The following ROBO1 variants were observed in gnomAD, a reference collection of about 807,000 sequenced individuals.
The protein encoded by ROBO1 is roundabout homolog 1.
Under a neutral mutation model 195.9 loss-of-function variants are expected in ROBO1, and 149 were observed. The ratio of observed to expected loss-of-function variants is 0.76; its 90% CI spans 0.67 to 0.87. The LOEUF is 0.87. Ranked by LOEUF, ROBO1 falls within the 40% of genes least tolerant of loss-of-function variation. ROBO1 has a pLI of 0.00. For missense variants in ROBO1, 1,933 were observed against 2,068.3 expected (o/e 0.93, Z 1.27); for synonymous variants, 816 against 733.2 (o/e 1.11, Z -1.82).
intron 10 of ROBO1, among the ~76,000 whole-genome samples, chr3:78,673,999 C>A (rs979200630): frequency 2.6e-5 from 4 of 152,082 alleles, no homozygotes; most frequent in African/African-American, 9.6e-5. Flanking sequence ...GTGACTTGTC[C>A]AAATCAAGTA....
chr3:79,073,206 A>C (rs910217240), intron 3 of ROBO1, among the ~76,000 whole-genome samples: 1 of 152,050 alleles, frequency 6.6e-6, no homozygotes, highest in African/African-American at 2.4e-5. Context: ...ACATTTAAAC[A>C]TATTAGTGCT....
At chr3:79,620,030 A>C (rs565125697) in intron 1 of ROBO1, among the ~76,000 whole-genome samples, 44 of 152,274 alleles carry the variant, frequency 2.9e-4, no homozygotes, top group African/African-American at 9.1e-4. Flanking sequence ...GAACTTCAAA[A>C]CACCTAAGAT....
chr3:78,699,333 T>G (rs1456640257), intron 8 of ROBO1, among the ~76,000 whole-genome samples: 14 of 146,848 alleles, frequency 9.5e-5, no homozygotes, highest in African/African-American at 3.5e-4. Flanking sequence ...TGGATCACTT[T>G]GAGGTTAGGA....
intron 1 of ROBO1, among the ~76,000 whole-genome samples, chr3:79,657,374 A>C (rs921634650): frequency 6.6e-6 from 1 of 152,120 alleles, no homozygotes; most frequent in African/African-American, 2.4e-5. Flanking sequence ...CAGCATGTTT[A>C]TCAGAAGGCC....
Position 79,752,401 on chromosome 3 carries a change from C to T in ROBO1, c.-51+15351G>A, listed in dbSNP as rs556539100. On this transcript the variant is annotated intron_variant, in intron 1 of 30. Coordinates refer to ENST00000464233, the MANE Select transcript of ROBO1 (RefSeq NM_002941.4). ...AGTCACCCATTCTTCTCTCTGGGTG[C>T]CGGCAATCTATTAGAGAAGACAGGC... Among the ~76,000 whole-genome samples the T allele has an allele frequency of 5.9e-5, 9 of 152,174 alleles. No individual in the cohort carries two copies. The South Asian group carries it at 1.9e-3, about 32-fold the overall frequency.
chr3:78,751,408 A>T (rs1298011731), intron 4 of ROBO1, among the ~76,000 whole-genome samples: 1 of 152,172 alleles, frequency 6.6e-6, no homozygotes, highest in Admixed American at 6.6e-5. Context: ...CAATTCATTT[A>T]ATACTCATAA....
chr3:79,723,417 A>G (rs1035225069), intron 1 of ROBO1, among the ~76,000 whole-genome samples: 2 of 152,208 alleles, frequency 1.3e-5, no homozygotes, highest in Non-Finnish European at 2.9e-5. Context: ...CCTTGAATTA[A>G]CAAAATGACA....
chr3:79,545,807 G>T (rs76370339), intron 2 of ROBO1, among the ~76,000 whole-genome samples: 1,761 of 152,224 alleles, frequency 0.012, 31 homozygotes, highest in African/African-American at 0.04. Flanking sequence ...TCAAAGCAGA[G>T]TCTGGTAATA....
chr3:79,251,644 G>A (rs1465305572), intron 2 of ROBO1, among the ~76,000 whole-genome samples: 3 of 152,176 alleles, frequency 2.0e-5, no homozygotes, highest in African/African-American at 4.8e-5. Context: ...CCAGCTACTC[G>A]GGAGGCTGAG....
intron 2 of ROBO1, among the ~76,000 whole-genome samples, chr3:79,345,859 T>C (rs1041314830): frequency 2.6e-5 from 4 of 152,306 alleles, no homozygotes; most frequent in Middle Eastern, 6.8e-3. Flanking sequence ...GCTTTTTCTC[T>C]CTTGCTAAAT....
At chr3:79,614,018 G>C (rs1262789609) in intron 1 of ROBO1, among the ~76,000 whole-genome samples, 1 of 151,730 alleles carries the variant, frequency 6.6e-6, no homozygotes, top group Non-Finnish European at 1.5e-5. Flanking sequence ...AATGCATAAA[G>C]AAAAAAGATA....
intron 3 of ROBO1, among the ~76,000 whole-genome samples, chr3:78,941,231 A>G (rs371894120): frequency 1.6e-4 from 24 of 152,338 alleles, no homozygotes; most frequent in East Asian, 5.8e-4. Flanking sequence ...AGCATGGTAT[A>G]GATTTTTTCA....
rs1240363895 is a variant in ROBO1, at chr3:78,670,372, A to G, written c.1343-71T>C. On this transcript the variant is annotated intron_variant, in intron 10 of 30. Transcript: ENST00000464233. Reference sequence around the variant, plus strand: ...ATTTTCTAATCATCCAAGCAACAGCAGTTGTTCTAGGCTTTGAAACAAACT... The same window carrying G: ...ATTTTCTAATCATCCAAGCAACAGCGGTTGTTCTAGGCTTTGAAACAAACT... 4 of 1,305,116 alleles carry G rather than the reference A, an allele frequency of 3.1e-6. No homozygotes were observed. In the African/African-American group the frequency reaches 4.4e-5, roughly 14 times the overall value. 80.8% of individuals were successfully genotyped at this position (1,305,116 alleles called of 1,614,324 possible). A position where few individuals can be genotyped will look rare whatever the true frequency, so the allele number is the denominator to read the frequency against.
intron 2 of ROBO1, among the ~76,000 whole-genome samples, chr3:79,343,718 G>GAGA (rs63214462): frequency 0.42 from 63,092 of 151,656 alleles, 17,253 homozygotes; most frequent in African/African-American, 0.79. Flanking sequence ...ATTTAAGTGG[G>GAGA]AGAAGAAGAA....
intron 1 of ROBO1, among the ~76,000 whole-genome samples, chr3:79,600,128 T>G (rs1251578030): frequency 1.3e-5 from 2 of 152,048 alleles, no homozygotes; most frequent in Non-Finnish European, 2.9e-5. Flanking sequence ...ATTGTTCATT[T>G]CATCATTCTG....
At chr3:79,040,725 T>C (rs2078471849) in intron 3 of ROBO1, among the ~76,000 whole-genome samples, 1 of 152,198 alleles carries the variant, frequency 6.6e-6, no homozygotes, top group Non-Finnish European at 1.5e-5. Flanking sequence ...ACACTAGAAC[T>C]TAGTTTTTAT....
At chr3:79,207,411 C>A (rs1301772443) in intron 2 of ROBO1, among the ~76,000 whole-genome samples, 1 of 152,084 alleles carries the variant, frequency 6.6e-6, no homozygotes, top group African/African-American at 2.4e-5. Flanking sequence ...TTATGTTCCT[C>A]AATATTCTAC....
chr3:79,349,469 T>G (rs1474510712), intron 2 of ROBO1, among the ~76,000 whole-genome samples: 1 of 152,130 alleles, frequency 6.6e-6, no homozygotes, highest in Non-Finnish European at 1.5e-5. Flanking sequence ...TTAAAATAGA[T>G]AGATAAATAG....
chr3:78,798,247 G>A (rs1390749505), intron 4 of ROBO1, among the ~76,000 whole-genome samples: 2 of 152,122 alleles, frequency 1.3e-5, no homozygotes, highest in Non-Finnish European at 2.9e-5. Flanking sequence ...GGCTTTTCTT[G>A]AGGAAAACAT....
Sources: gnomAD v4.1 joint callset for allele counts (sites outside exome capture counted in the v4.1 genomes callset) on GRCh38, gnomAD v4.1.1 for gene constraint, MANE v1.5 for transcripts, NCBI Gene and HGNC (gene_info 2026-07-23, HGNC 2026-07-21) for gene names.